Variants in XRCC4 observed in about 807,000 individuals in gnomAD.
XRCC4 encodes X-ray repair cross complementing 4.
XRCC4 carries 28 observed loss-of-function variants against 39.1 expected under a neutral mutation model. The ratio of observed to expected loss-of-function variants is 0.72; its 90% confidence interval spans 0.53 to 0.98. XRCC4 has a LOEUF of 0.98. Ranked by LOEUF, XRCC4 falls within the 50% of genes least tolerant of loss-of-function variation. XRCC4 has a pLI of 0.00. For missense variants in XRCC4, 350 were observed against 376.4 expected, an observed-to-expected ratio of 0.93 and a Z score of 0.58; for synonymous variants, 123 against 126.4, an observed-to-expected ratio of 0.97 and a Z score of 0.18.
At chr5:83,341,303 A>G (rs1315800595) in intron 7 of XRCC4, among the ~76,000 whole-genome samples, 2 of 152,110 alleles carry the variant, frequency 1.3e-5, no homozygotes, top group African/African-American at 4.8e-5. Context: ...TCCCATAGCT[A>G]TTGTAGACAC....
chr5:83,232,912 C>T (rs968384488), intron 6 of XRCC4, among the ~76,000 whole-genome samples: 8 of 152,072 alleles, frequency 5.3e-5, no homozygotes, highest in Non-Finnish European at 1.2e-4. Flanking sequence ...GTAATTCGTG[C>T]AAGGTTACAC....
intron 1 of XRCC4, among the ~76,000 whole-genome samples, chr5:83,096,905 G>A (rs1037070787): frequency 2.0e-5 from 3 of 152,028 alleles, no homozygotes; most frequent in Non-Finnish European, 2.9e-5. Flanking sequence ...AGTCCCACTC[G>A]TCATGCAATG....
intron 7 of XRCC4, among the ~76,000 whole-genome samples, chr5:83,299,189 T>G (rs1409107855): frequency 6.6e-6 from 1 of 152,118 alleles, no homozygotes; most frequent in Admixed American, 6.6e-5. Flanking sequence ...GAAAAAATTC[T>G]ACTGGAGCTA....
At chr5:83,281,550 C>A (rs1289676840) in intron 7 of XRCC4, among the ~76,000 whole-genome samples, 3 of 151,102 alleles carry the variant, frequency 2.0e-5, no homozygotes, top group African/African-American at 4.9e-5. Context: ...AAAATTGAAA[C>A]CTTTTATGGC....
chr5:83,330,589 A>C (rs1756406322), intron 7 of XRCC4, among the ~76,000 whole-genome samples: 1 of 151,954 alleles, frequency 6.6e-6, no homozygotes, highest in Non-Finnish European at 1.5e-5. Context: ...AGAGGGTTAT[A>C]CTTATGTGGA....
chr5:83,278,486 G>T (rs1245184766), intron 7 of XRCC4, among the ~76,000 whole-genome samples: 1 of 152,090 alleles, frequency 6.6e-6, no homozygotes, highest in African/African-American at 2.4e-5. Context: ...CAAGATCAAG[G>T]TTCTGGCATT....
intron 3 of XRCC4, among the ~76,000 whole-genome samples, chr5:83,131,957 T>C (rs1489873965): frequency 6.6e-6 from 1 of 152,170 alleles, no homozygotes; most frequent in Non-Finnish European, 1.5e-5. Context: ...CGTTAGTTGA[T>C]GCAGTTTCTT....
chr5:83,094,395 C>A (rs1301836669), intron 1 of XRCC4, among the ~76,000 whole-genome samples: 1 of 137,126 alleles, frequency 7.3e-6, no homozygotes, highest in Non-Finnish European at 1.6e-5. Context: ...CCTCTCCCCT[C>A]TTCTCCTCTC....
chr5:83,294,461 T>G (rs1239729811), intron 7 of XRCC4, among the ~76,000 whole-genome samples: 1 of 152,070 alleles, frequency 6.6e-6, no homozygotes, highest in African/African-American at 2.4e-5. Context: ...GTGCTCCAAT[T>G]ACTCATGACT....
intron 3 of XRCC4, among the ~76,000 whole-genome samples, chr5:83,163,449 T>G (rs906558571): frequency 6.6e-5 from 10 of 152,234 alleles, no homozygotes; most frequent in Non-Finnish European, 1.3e-4. Context: ...GAATTGAGCT[T>G]CATTAATGAA....
chr5:83,199,871 G>A (rs972201316), intron 4 of XRCC4, among the ~76,000 whole-genome samples: 8 of 152,104 alleles, frequency 5.3e-5, no homozygotes, highest in African/African-American at 1.9e-4. Flanking sequence ...TTGTAGAAAG[G>A]ATGAAGTATC....
intron 3 of XRCC4, among the ~76,000 whole-genome samples, chr5:83,192,518 C>G (rs931651894): frequency 2.0e-5 from 3 of 151,722 alleles, no homozygotes; most frequent in African/African-American, 7.3e-5. Flanking sequence ...ACCATGTTGC[C>G]CAGGCTGGTC....
intron 7 of XRCC4, among the ~76,000 whole-genome samples, chr5:83,337,692 G>A (rs983856810): frequency 6.6e-6 from 1 of 152,162 alleles, no homozygotes; most frequent in Admixed American, 6.5e-5. Flanking sequence ...TGGACAAATT[G>A]CAGACTCACA....
At chr5:83,201,167 A>C (rs1046459746) in intron 4 of XRCC4, 3 of 152,210 alleles carry the variant, frequency 2.0e-5, no homozygotes, top group African/African-American at 7.2e-5. Flanking sequence ...GTTTCCTTAT[A>C]AGATGTCAAT....
At chr5:83,154,965 A>T (rs566811255) in intron 3 of XRCC4, among the ~76,000 whole-genome samples, 1 of 152,138 alleles carries the variant, frequency 6.6e-6, no homozygotes, top group African/African-American at 2.4e-5. Flanking sequence ...CTCTGCAGAA[A>T]TCACACTATT....
At chr5:83,103,009 G>GATATATATATATATATAT (rs56183616) in intron 1 of XRCC4, among the ~76,000 whole-genome samples, 4,662 of 105,820 alleles carry the variant, frequency 0.044, 237 homozygotes, top group Non-Finnish European at 0.06. Context: ...AGATAGAGCT[G>GATATATATATATATATAT]ATATATATAT....
chr5:83,225,659 G>T (rs1422887745), intron 6 of XRCC4, among the ~76,000 whole-genome samples: 1 of 150,658 alleles, frequency 6.6e-6, no homozygotes, highest in Admixed American at 6.6e-5. Flanking sequence ...GGGGTGAGCT[G>T]GAGGAATGTT....
At chr5:83,318,359 A>G (rs1054938830) in intron 7 of XRCC4, among the ~76,000 whole-genome samples, 1 of 133,046 alleles carries the variant, frequency 7.5e-6, no homozygotes, top group African/African-American at 3.5e-5. Context: ...GGCCAGGGCA[A>G]TAAGGCAGGA....
intron 3 of XRCC4, among the ~76,000 whole-genome samples, chr5:83,190,055 A>C (rs559430621): frequency 1.3e-5 from 2 of 152,224 alleles, no homozygotes; most frequent in East Asian, 3.9e-4. Context: ...CAGAGCGAGA[A>C]TCTGTCTCAA....
Sources: gnomAD v4.1 joint callset for allele counts (sites outside exome capture counted in the v4.1 genomes callset) on GRCh38, gnomAD v4.1.1 for gene constraint, MANE v1.5 for transcripts, NCBI Gene and HGNC (gene_info 2026-07-23, HGNC 2026-07-21) for gene names.